CYYR1: variants seen among roughly 807,000 people sequenced by gnomAD.
The protein encoded by CYYR1 is cysteine and tyrosine rich 1.
CYYR1 carries 14 observed loss-of-function variants against 15.2 expected under a neutral mutation model. The observed-to-expected ratio is 0.92, with a 90% CI of 0.61 to 1.44. CYYR1 has a LOEUF of 1.44. CYYR1 is among the 40% of genes most tolerant of loss of function. The pLI is 0.00. For missense variants in CYYR1, 228 were observed against 209.5 expected, an observed-to-expected ratio of 1.09 and a Z score of -0.54; for synonymous variants, 80 against 77.4, an observed-to-expected ratio of 1.03 and a Z score of -0.18.
At chr21:26,495,012 G>C (rs150031940) in intron 2 of CYYR1, among the ~76,000 whole-genome samples, 118 of 152,216 alleles carry the variant, frequency 7.8e-4, no homozygotes, top group African/African-American at 2.8e-3. Flanking sequence ...TCATGTACCA[G>C]GACAGGCAAA....
chr21:26,512,012 A>ACACACT (rs1386086764), intron 2 of CYYR1, among the ~76,000 whole-genome samples: 1 of 150,360 alleles, frequency 6.7e-6, no homozygotes, highest in African/African-American at 2.5e-5. Flanking sequence ...ACACACACAC[A>ACACACT]CTCTGCTTGA....
chr21:26,521,939 A>C (rs141150605), intron 2 of CYYR1, among the ~76,000 whole-genome samples: 1 of 152,344 alleles, frequency 6.6e-6, no homozygotes, highest in African/African-American at 2.4e-5. Context: ...CCTTCAAGAA[A>C]GGACCTGTGG....
chr21:26,534,795 A>G (rs1245044731), intron 2 of CYYR1, among the ~76,000 whole-genome samples: 1 of 152,130 alleles, frequency 6.6e-6, no homozygotes, highest in Non-Finnish European at 1.5e-5. Context: ...GTTATAAAAG[A>G]TGCATTTGTT....
At chr21:26,548,756 C>T (rs1217144810) in intron 2 of CYYR1, among the ~76,000 whole-genome samples, 1 of 152,186 alleles carries the variant, frequency 6.6e-6, no homozygotes. Context: ...TTTCTACCCA[C>T]TGGATCTGAA....
chr21:26,567,950 A>C (rs1980754043), intron 1 of CYYR1: 1 of 152,202 alleles, frequency 6.6e-6, no homozygotes, highest in African/African-American at 2.4e-5. Flanking sequence ...TTATTTTTAC[A>C]TTACAGATTG....
In CYYR1 at chr21:26,566,310, C is replaced by T. The variant is rs146759335; in HGVS notation, c.132G>A (p.Thr44=). ...DCKSYCCDGT[T]PYCCSYYAYI... ...AAGCGTAGTAGGAGCAACAGTAGGG[C>T]GTGGTTCCATCACAGCAGTAAGATT... Residue 44 remains threonine, a synonymous_variant, in exon 2 of 4, where the codon ACG becomes ACA. Transcript: ENST00000652641. 905 of 1,613,744 alleles carry T rather than the reference C, an allele frequency of 5.6e-4. 1 individual carries two copies. The highest frequency in any genetic ancestry group is 7.2e-4 in the Non-Finnish European group (850 of 1,179,872).
chr21:26,483,909 T>C (rs2065216831), intron 2 of CYYR1, among the ~76,000 whole-genome samples: 1 of 152,074 alleles, frequency 6.6e-6, no homozygotes, highest in Non-Finnish European at 1.5e-5. Context: ...TCCTCCCAAA[T>C]TTCTTGTCAT....
chr21:26,469,368 A>G (rs2065006768), intron 3 of CYYR1, among the ~76,000 whole-genome samples: 1 of 152,162 alleles, frequency 6.6e-6, no homozygotes, highest in Non-Finnish European at 1.5e-5. Flanking sequence ...AAAGGAGGAC[A>G]AGTAGGTTAG....
At chr21:26,483,459 G>A in intron 2 of CYYR1, 1 of 975,176 alleles carries the variant, frequency 1.0e-6, no homozygotes, top group Non-Finnish European at 1.2e-6. Context: ...AGTTTAGTTT[G>A]CAAGCCAGAA....
chr21:26,506,983 T>C (rs1169027311), intron 2 of CYYR1, among the ~76,000 whole-genome samples: 1 of 152,170 alleles, frequency 6.6e-6, no homozygotes, highest in Non-Finnish European at 1.5e-5. Flanking sequence ...ATTTTTCCAC[T>C]CACTGCATGA....
intron 1 of CYYR1, among the ~76,000 whole-genome samples, chr21:26,566,720 G>T (rs1980645880): frequency 6.6e-6 from 1 of 152,112 alleles, no homozygotes; most frequent in South Asian, 2.1e-4. Context: ...AAATGATAAA[G>T]CCTTCTTGGC....
chr21:26,514,019 A>T (rs571311313), intron 2 of CYYR1, among the ~76,000 whole-genome samples: 8 of 151,900 alleles, frequency 5.3e-5, no homozygotes, highest in Admixed American at 2.0e-4. Context: ...CATATGTAAC[A>T]AACCTGCACG....
At chr21:26,516,837 C>T (rs1217472581) in intron 2 of CYYR1, among the ~76,000 whole-genome samples, 5 of 151,924 alleles carry the variant, frequency 3.3e-5, no homozygotes, top group African/African-American at 4.8e-5. Flanking sequence ...CACTGGGGGC[C>T]GGGCGCGGTG....
At chr21:26,502,260 T>G (rs7280805) in intron 2 of CYYR1, among the ~76,000 whole-genome samples, 1,505 of 150,398 alleles carry the variant, frequency 0.01, 30 homozygotes, top group African/African-American at 0.035. Flanking sequence ...GCAAAAGGCA[T>G]CACGGGCAGA....
At chr21:26,524,952 T>C (rs982488058) in intron 2 of CYYR1, among the ~76,000 whole-genome samples, 3 of 152,210 alleles carry the variant, frequency 2.0e-5, no homozygotes, top group East Asian at 1.9e-4. Flanking sequence ...AGAGCATGTA[T>C]TGAAGGGTGA....
At chr21:26,564,540 A>G (rs1301600684) in intron 2 of CYYR1, 23 of 402,902 alleles carry the variant, frequency 5.7e-5, no homozygotes, top group Non-Finnish European at 6.7e-5. Flanking sequence ...AAAGATATAG[A>G]ACATGTACCA....
rs761985940 is a variant in CYYR1, at chr21:26,480,347, A to T, written c.259T>A (p.Cys87Ser). The stretch of plus-strand genomic sequence containing the variant: ...CGGGTCGCCCTGTGGTTCTTCATGC[A>T]CATGCAGATGCATATGGCAATCCCA... Reference protein sequence around the residue: ...IAGIAICICMCMKNHRATRVG... With the variant: ...IAGIAICICMSMKNHRATRVG... Residue 87 changes from cysteine (C) to serine (S), a missense_variant, in exon 3 of 4, where the codon TGC becomes AGC. By Grantham distance (112) the Cys-to-Ser change is moderately radical. Coordinates refer to ENST00000652641, the MANE Select transcript of CYYR1 (RefSeq NM_001320768.2). 6.2e-7 allele frequency: 1 copy of T among 1,613,634 alleles called. No homozygotes were observed. Among genetic ancestry groups the T allele is most frequent in the South Asian group, 1.1e-5 (1 of 91,068 alleles).
At chr21:26,500,176 G>T (rs373880803) in intron 2 of CYYR1, among the ~76,000 whole-genome samples, 39 of 152,144 alleles carry the variant, frequency 2.6e-4, no homozygotes, top group African/African-American at 8.9e-4. Flanking sequence ...CATGGTGGGG[G>T]ATCCACCCTC....
intron 2 of CYYR1, among the ~76,000 whole-genome samples, chr21:26,544,548 CTT>C: frequency 6.6e-6 from 1 of 152,276 alleles, no homozygotes; most frequent in South Asian, 2.1e-4. Flanking sequence ...TTATAAATCT[CTT>C]TTGACTTACA....
Sources: allele counts gnomAD v4.1 joint callset (sites outside exome capture counted in the v4.1 genomes callset), GRCh38; gene constraint gnomAD v4.1.1; transcripts MANE v1.5; gene names NCBI Gene and HGNC (gene_info 2026-07-23, HGNC 2026-07-21).